Variants in GCDH observed in about 807,000 individuals in gnomAD.
GCDH encodes glutaryl-CoA dehydrogenase, also known as glutaryl-CoA dehydrogenase, mitochondrial.
In GCDH, 31 loss-of-function variants were observed where a neutral mutation model predicts 52.8. That is an observed-to-expected ratio of 0.59 (90% CI 0.44 to 0.79). The LOEUF (loss-of-function observed/expected upper bound fraction) is 0.79. Ranked by LOEUF, GCDH falls within the 30% of genes least tolerant of loss-of-function variation. The pLI, the probability that GCDH is intolerant of heterozygous loss-of-function variation, is 0.00. For missense variants in GCDH, 509 were observed against 595.0 expected, an observed-to-expected ratio of 0.86 and a Z score of 1.50; for synonymous variants, 242 against 250.0, an observed-to-expected ratio of 0.97 and a Z score of 0.30.
At chr19:12,897,496 G>A in intron 10 of GCDH, 68 bp downstream of exon 10, 2 of 1,573,594 alleles carry the variant, frequency 1.3e-6, no homozygotes, top group Non-Finnish European at 1.7e-6. Context: ...CCTTCCTGGA[G>A]AGAAAGGTCC....
chr19:12,894,934 A>G (rs1289025446), intron 6 of GCDH: 3 of 391,932 alleles, frequency 7.7e-6, no homozygotes, highest in Non-Finnish European at 9.3e-6. Context: ...AAAAACCCAC[A>G]AGGCCCTGTG....
chr19:12,891,301 G>A lies in GCDH; in HGVS notation c.-4G>A, dbSNP rs371464666. ...CGTCGTTGCTCCGCTCGCTCTGAGA[G>A]AGCATGGCCCTGAGAGGCGTCTCCG... On this transcript the variant is annotated 5_prime_UTR_variant, in exon 2 of 12. Coordinates refer to ENST00000222214, the MANE Select transcript of GCDH (RefSeq NM_000159.4). 6.2e-7 allele frequency: 1 copy of A among 1,604,704 alleles called. No individual in the cohort carries two copies. The highest frequency in any genetic ancestry group is 1.3e-5 in the African/African-American group (1 of 74,902).
chr19:12,897,899 C>T, intron 11 of GCDH, 36 bp downstream of exon 11: 2 of 1,586,328 alleles, frequency 1.3e-6, no homozygotes, highest in East Asian at 2.2e-5. Flanking sequence ...ACTGAGGCCT[C>T]AGTGTCTGGG....
chr19:12,893,290 A>G (rs1437104206), intron 5 of GCDH, among the ~76,000 whole-genome samples, 193 bp from the exon 6 acceptor site: 2 of 152,040 alleles, frequency 1.3e-5, no homozygotes, highest in Non-Finnish European at 2.9e-5. Flanking sequence ...CTAAGCCACA[A>G]TTTCCCAGTC....
intron 3 of GCDH, 138 bp downstream of exon 3, chr19:12,891,660 A>G: frequency 6.2e-7 from 1 of 1,606,402 alleles, no homozygotes; most frequent in Non-Finnish European, 8.5e-7. Context: ...GCACTAAGGC[A>G]GTGAGTGCGC....
Position 12,899,271 on chromosome 19 carries a change from G to A in GCDH, c.1244-197G>A, listed in dbSNP as rs1970773642. 4.4e-6 allele frequency: 6 copies of A among 1,362,962 alleles called. No individual in the cohort carries two copies. In the East Asian group the frequency reaches 1.1e-4, roughly 26 times the overall value. 84.4% of individuals were successfully genotyped at this position (1,362,962 alleles called of 1,614,324 possible). On this transcript the variant is annotated intron_variant, in intron 11 of 11. Coordinates refer to ENST00000222214, the MANE Select transcript of GCDH (RefSeq NM_000159.4). ...GAACCATGAAAAACAATTTCTCAGTGTGGCCCAAATGGTGGCCTCACAGTC... is the reference window on the plus strand; with the variant it reads ...GAACCATGAAAAACAATTTCTCAGTATGGCCCAAATGGTGGCCTCACAGTC...
At position 12,892,197 on chromosome 19, in the gene GCDH, C is replaced by G. The variant is rs1970575349; in HGVS notation, c.334+19C>G. On this transcript the variant is annotated intron_variant, in intron 5 of 11. Transcript: ENST00000222214. ...ATCAAAGGTAGGAACAAGTATCTCT[C>G]CACACACTGCAGAACCCTCTGTATT... The G allele has an allele frequency of 6.3e-7, 1 of 1,596,214 alleles. No homozygotes were observed. The highest frequency in any genetic ancestry group is 1.3e-5 in the African/African-American group (1 of 74,554).
At chr19:12,893,716 G>A in intron 6 of GCDH, 63 bp downstream of exon 6, 1 of 1,448,288 alleles carries the variant, frequency 6.9e-7, no homozygotes, top group Non-Finnish European at 9.7e-7. Flanking sequence ...GAACTCAAGG[G>A]TGGGGCTGTC....
Position 12,899,935 on chromosome 19 carries a change from G to A in GCDH, c.*394G>A, listed in dbSNP as rs751063496. Reference sequence around the variant, plus strand: ...GCCTTATGCTGGGTGTTGGAGCAGAGTGAGGGAGAGGAAAATAAAGACCTG... The same window carrying A: ...GCCTTATGCTGGGTGTTGGAGCAGAATGAGGGAGAGGAAAATAAAGACCTG... On this transcript the variant is annotated 3_prime_UTR_variant, in exon 12 of 12. Transcript: ENST00000222214. The A allele has an allele frequency of 6.2e-7, 1 of 1,611,388 alleles. No homozygotes were observed.
At chr19:12,893,077 G>C (rs1489686689) in intron 5 of GCDH, among the ~76,000 whole-genome samples, 1 of 151,384 alleles carries the variant, frequency 6.6e-6, no homozygotes, top group Non-Finnish European at 1.5e-5. Context: ...AGTAGAAATG[G>C]GATTTCACCA....
intron 6 of GCDH, 86 bp from the exon 7 acceptor site, chr19:12,895,906 C>T: frequency 6.5e-7 from 1 of 1,538,850 alleles, no homozygotes; most frequent in Non-Finnish European, 8.9e-7. Context: ...AGGCGTGAGC[C>T]ACTGCACCCC....
At position 12,897,343 on chromosome 19, in the gene GCDH, C is replaced by G. The variant is rs794726972; in HGVS notation, c.997C>G (p.Gln333Glu). Residue 333 changes from glutamine (Q) to glutamate (E), a missense_variant, in exon 10 of 12, where the codon CAG becomes GAG. Transcript: ENST00000222214. ...CCCACTGGCCAGGAACCAGCTGATT[C>G]AGAAGAAGCTGGCAGACATGCTCAC... ...GVPLARNQLI[Q>E]KKLADMLTEI... The G allele has an allele frequency of 1.2e-6, 2 of 1,613,838 alleles. No homozygotes were observed.
rs1347497824 is a variant in GCDH, at chr19:12,891,831, C to G, written c.128C>G (p.Ser43Cys). ...GACCGAGGCGAATTCCCCTTCCCAG[C>G]CTCGCGTCCCGAGTTTGACTGGCAG... ...GGRTQSQLAK[S>C]SRPEFDWQDP... is the part of the protein sequence containing the mutation. The change falls in exon 4 of 12, where the codon TCC becomes TGC. Residue 43 changes from serine to cysteine, a missense_variant and splice_region_variant. Physicochemically the swap from Ser to Cys is moderately radical, Grantham distance 112 (BLOSUM62 -1). Coordinates refer to ENST00000222214, the MANE Select transcript of GCDH (RefSeq NM_000159.4). 2.5e-6 allele frequency: 4 copies of G among 1,613,922 alleles called. No homozygotes were observed. The highest frequency in any genetic ancestry group is 2.5e-6 in the Non-Finnish European group (3 of 1,180,014).
intron 6 of GCDH, 65 bp downstream of exon 6, chr19:12,893,718 G>T: frequency 2.1e-6 from 3 of 1,433,328 alleles, no homozygotes; most frequent in Non-Finnish European, 2.9e-6. Flanking sequence ...ACTCAAGGGT[G>T]GGGCTGTCCC....
intron 9 of GCDH, 94 bp from the exon 10 acceptor site, chr19:12,897,209 C>G: frequency 6.6e-7 from 1 of 1,526,646 alleles, no homozygotes; most frequent in Non-Finnish European, 9.0e-7. Flanking sequence ...ACTGAGGCAG[C>G]CTGGGAAGGC....
chr19:12,897,040 C>T (rs762843017), intron 9 of GCDH, 27 bp downstream of exon 9: 1 of 1,567,728 alleles, frequency 6.4e-7, no homozygotes, highest in Non-Finnish European at 8.8e-7. Flanking sequence ...GTGAGATTCT[C>T]TGGGGGTGTG....
chr19:12,893,990 CAA>C, intron 6 of GCDH: 1 of 581,302 alleles, frequency 1.7e-6, no homozygotes, highest in South Asian at 2.0e-5. Context: ...CCCTTGAGCC[CAA>C]GAGTTCGAAA....
In GCDH at chr19:12,896,847, G is replaced by C; in HGVS notation, c.853-63G>C. 8.8e-7 allele frequency: 1 copy of C among 1,142,674 alleles called. No homozygotes were observed. Among genetic ancestry groups the C allele is most frequent in the Non-Finnish European group, 1.3e-6 (1 of 755,574 alleles). 70.8% of individuals were successfully genotyped at this position (1,142,674 alleles called of 1,614,324 possible). A position where few individuals can be genotyped will look rare whatever the true frequency, so the allele number is the denominator to read the frequency against. On this transcript the variant is annotated intron_variant, in intron 8 of 11. Coordinates refer to ENST00000222214, the MANE Select transcript of GCDH (RefSeq NM_000159.4). This position sits in a 1 kb window ranked among gnomAD's most constrained non-coding sequence, Gnocchi z 5.5. ...AGGAGGCTTTCCCTGCTTCAGAGTTGGTTCTGCATAGGCCCTCTTGGTGTC... is the reference window on the plus strand; with the variant it reads ...AGGAGGCTTTCCCTGCTTCAGAGTTCGTTCTGCATAGGCCCTCTTGGTGTC...
Position 12,899,960 on chromosome 19 carries a change from G to C in GCDH, c.*419G>C. Reference sequence around the variant, plus strand: ...GTGAGGGAGAGGAAAATAAAGACCTGCACATCTGACCCCAAGGTGTCAGGC... The same window carrying C: ...GTGAGGGAGAGGAAAATAAAGACCTCCACATCTGACCCCAAGGTGTCAGGC... On this transcript the variant is annotated 3_prime_UTR_variant, in exon 12 of 12. Transcript: ENST00000222214. The C allele has an allele frequency of 6.2e-7, 1 of 1,611,914 alleles. No individual in the cohort carries two copies.
Sources: gnomAD v4.1 joint callset for allele counts (sites outside exome capture counted in the v4.1 genomes callset) on GRCh38, gnomAD v4.1.1 for gene constraint, Gnocchi (gnomAD v3.1) non-coding constraint, MANE v1.5 for transcripts, NCBI Gene and HGNC (gene_info 2026-07-23, HGNC 2026-07-21) for gene names.